DLST: variants seen among roughly 807,000 people sequenced by gnomAD.
DLST encodes the protein dihydrolipoamide S-succinyltransferase, also known as dihydrolipoyllysine-residue succinyltransferase component of 2-oxoglutarate dehydrogenase complex, mitochondrial.
Under a neutral mutation model 53.1 loss-of-function variants are expected in DLST, and 17 were observed. The ratio of observed to expected loss-of-function variants is 0.32; its 90% confidence interval spans 0.22 to 0.48. DLST has a LOEUF of 0.48. Among genes scored for constraint, DLST ranks in the 20% least tolerant of loss-of-function variants. DLST has a pLI of 0.99. For missense variants in DLST, 512 were observed against 583.9 expected (o/e 0.88, Z 1.27); for synonymous variants, 206 against 204.8 (o/e 1.01, Z -0.05).
chr14:74,902,086 TAGGAA>T (rs1884267397), intron 14 of DLST, 105 bp from the exon 15 acceptor site: 2 of 1,203,932 alleles, frequency 1.7e-6, no homozygotes, highest in African/African-American at 3.1e-5. Context: ...GCAACATCAA[TAGGAA>T]AGGCTCTGGA....
Position 74,893,378 on chromosome 14 carries a change from C to T in DLST, c.626C>T (p.Pro209Leu), listed in dbSNP as rs761607000. 2 of 1,614,194 alleles carry T rather than the reference C, an allele frequency of 1.2e-6. No individual in the cohort carries two copies. The highest frequency in any genetic ancestry group is 1.1e-5 in the South Asian group (1 of 91,076). Residue 209 changes from proline to leucine, a missense_variant, in exon 9 of 15, where the codon CCA becomes CTA. Pro to Leu is a moderately conservative substitution (Grantham distance 98). Transcript: ENST00000334220. ...GCAGTAAAACCCACTGTTGCCCCAC[C>T]ACTAGCTGAGCCAGGAGCTGGCAAA... ...VSAVKPTVAP[P>L]LAEPGAGKGL... is the part of the protein sequence containing the mutation.
chr14:74,899,292 G>A (rs372790333), intron 11 of DLST, among the ~76,000 whole-genome samples: 12 of 151,812 alleles, frequency 7.9e-5, no homozygotes, highest in African/African-American at 2.4e-4. Flanking sequence ...AAAAGTTCTC[G>A]TGGCCTCTTT....
intron 10 of DLST, among the ~76,000 whole-genome samples, chr14:74,895,440 A>G (rs532696370): frequency 6.6e-6 from 1 of 152,338 alleles, no homozygotes; most frequent in Non-Finnish European, 1.5e-5. Flanking sequence ...TACTGTATAC[A>G]GAGTACTGTA....
chr14:74,886,982 C>G (rs750297546), intron 3 of DLST, among the ~76,000 whole-genome samples: 3 of 152,044 alleles, frequency 2.0e-5, no homozygotes, highest in East Asian at 3.9e-4. Flanking sequence ...ATCAGGTGAT[C>G]CGCCCGACTC....
In DLST at chr14:74,886,612, G is replaced by A. The variant is rs140775245; in HGVS notation, c.146+978G>A. Among the ~76,000 whole-genome samples the A allele has an allele frequency of 2.9e-4, 44 of 152,354 alleles. No individual in the cohort carries two copies. In the East Asian group the frequency reaches 4.0e-3, roughly 14 times the overall value. ...GCCTCCCAAAGTGGAGGATACAGGC[G>A]TGAGCTATGGTGCCTGGCTGATTTT... On this transcript the variant is annotated intron_variant, in intron 3 of 14. Transcript: ENST00000334220.
At chr14:74,894,636 C>A (rs1392444982) in intron 10 of DLST, among the ~76,000 whole-genome samples, 1 of 152,122 alleles carries the variant, frequency 6.6e-6, no homozygotes, top group Non-Finnish European at 1.5e-5. Context: ...AGCTCCGCCT[C>A]CCGGGTTCAC....
Position 74,893,373 on chromosome 14 carries a change from C to T in DLST, c.621C>T (p.Ala207=), listed in dbSNP as rs763562282. 20 of 1,614,068 alleles carry T rather than the reference C, an allele frequency of 1.2e-5. No individual in the cohort carries two copies. The East Asian group carries it at 4.5e-4, about 36-fold the overall frequency. Residue 207 remains alanine (A), a synonymous_variant, in exon 9 of 15, where the codon GCC becomes GCT. Transcript: ENST00000334220. ...KPVSAVKPTV[A]PPLAEPGAGK... ...TGTCTGCAGTAAAACCCACTGTTGCCCCACCACTAGCTGAGCCAGGAGCTG... is the reference window on the plus strand; with the variant it reads ...TGTCTGCAGTAAAACCCACTGTTGCTCCACCACTAGCTGAGCCAGGAGCTG...
intron 5 of DLST, 38 bp from the exon 6 acceptor site, chr14:74,889,859 C>A: frequency 1.2e-6 from 2 of 1,609,194 alleles, no homozygotes; most frequent in Non-Finnish European, 1.7e-6. Context: ...AGGCTCCCCG[C>A]TAACAGGTAG....
Position 74,889,228 on chromosome 14 carries a change from A to G in DLST, c.200-47A>G, listed in dbSNP as rs148493046. 2.1e-4 allele frequency: 339 copies of G among 1,607,472 alleles called. 1 individual carries two copies. In the East Asian group the frequency reaches 7.5e-3, roughly 35 times the overall value. Reference sequence around the variant, plus strand: ...AGTTTAATTAAAGAAAAATATTAAAAAGGAAAAATGAACTACTTATGATTT... The same window carrying G: ...AGTTTAATTAAAGAAAAATATTAAAGAGGAAAAATGAACTACTTATGATTT... On this transcript the variant is annotated intron_variant, in intron 4 of 14. Transcript: ENST00000334220.
In DLST at chr14:74,898,512, T is replaced by C; in HGVS notation, c.901+13T>C. The C allele has an allele frequency of 6.2e-7, 1 of 1,613,732 alleles. No individual in the cohort carries two copies. Among genetic ancestry groups the C allele is most frequent in the Non-Finnish European group, 8.5e-7 (1 of 1,179,746 alleles). On this transcript the variant is annotated intron_variant, in intron 11 of 14. Coordinates refer to ENST00000334220, the MANE Select transcript of DLST (RefSeq NM_001933.5). ...GTTGTAAATGCAGGTGAGTTGCTTG[T>C]GGCTGGAATTGGAGAGGTCCTGGGA... is the stretch of plus-strand genomic sequence containing the variant.
At chr14:74,886,732 G>A (rs761537118) in intron 3 of DLST, among the ~76,000 whole-genome samples, 1 of 151,950 alleles carries the variant, frequency 6.6e-6, no homozygotes, top group Non-Finnish European at 1.5e-5. Flanking sequence ...TTTGAAGTGT[G>A]TGTACCTTTT....
chr14:74,902,513 C>T lies in DLST; in HGVS notation c.*183C>T. The stretch of plus-strand genomic sequence containing the variant: ...CTTTTCTTGGCGTTCCTGCCAGGCT[C>T]TCCCTCTCTGCACCTGTCTCATAGC... On this transcript the variant is annotated 3_prime_UTR_variant, in exon 15 of 15. Transcript: ENST00000334220. The T allele has an allele frequency of 1.7e-6, 1 of 584,810 alleles. No homozygotes were observed. Among genetic ancestry groups the T allele is most frequent in the East Asian group, 3.1e-5 (1 of 32,678 alleles). 36.2% of individuals were successfully genotyped at this position (584,810 alleles called of 1,614,324 possible).
At chr14:74,883,662 T>G (rs1361118953) in intron 2 of DLST, among the ~76,000 whole-genome samples, 1 of 152,212 alleles carries the variant, frequency 6.6e-6, no homozygotes, top group Non-Finnish European at 1.5e-5. Flanking sequence ...AATTTTTTAG[T>G]TAATCATCTC....
rs760810314 is a variant in DLST, at chr14:74,901,050, T to C, written c.1060-16T>C. 3.3e-5 allele frequency: 53 copies of C among 1,612,402 alleles called. No individual in the cohort carries two copies. Among genetic ancestry groups the C allele is most frequent in the Admixed American group, 5.0e-5 (3 of 59,720 alleles). On this transcript the variant is annotated splice_polypyrimidine_tract_variant and intron_variant, in intron 13 of 14. Transcript: ENST00000334220. ...CTGGGTTGGCTTGATATTTCAATTA[T>C]GAAATCTGTTTTTAGGCCCGAAAGA...
At chr14:74,888,118 GT>G in intron 3 of DLST, among the ~76,000 whole-genome samples, 3 of 152,086 alleles carry the variant, frequency 2.0e-5, no homozygotes, top group Non-Finnish European at 4.4e-5. Flanking sequence ...TGATTCTCCA[GT>G]TTATATTATT....
At chr14:74,885,676 T>G in intron 3 of DLST, 42 bp downstream of exon 3, 1 of 1,553,592 alleles carries the variant, frequency 6.4e-7, no homozygotes, top group Non-Finnish European at 8.7e-7. Context: ...CCACGGGTTA[T>G]TTATTTAAAG....
At chr14:74,892,622 T>C (rs974113573) in intron 7 of DLST, among the ~76,000 whole-genome samples, 2 of 152,096 alleles carry the variant, frequency 1.3e-5, no homozygotes. Flanking sequence ...GGAGCTAAGT[T>C]GAGCCAGTTA....
rs1883887141 is a variant in DLST, at chr14:74,891,045, T to G, written c.331-11T>G. 14 of 1,604,798 alleles carry G rather than the reference T, an allele frequency of 8.7e-6. No homozygotes were observed. Among genetic ancestry groups the G allele is most frequent in the Non-Finnish European group, 1.2e-5 (14 of 1,173,456 alleles). ...ACATTTGGACTTCCTCCATCTGTCTTCCTCTTCCAGACATCTGTGCAGGTT... is the reference window on the plus strand; with the variant it reads ...ACATTTGGACTTCCTCCATCTGTCTGCCTCTTCCAGACATCTGTGCAGGTT... On this transcript the variant is annotated splice_polypyrimidine_tract_variant and intron_variant, in intron 6 of 14. Coordinates refer to ENST00000334220, the MANE Select transcript of DLST (RefSeq NM_001933.5).
rs1366134109 is a variant in DLST at position 74,894,337 on chromosome 14, G to T, written c.698G>T (p.Arg233Leu). 6.2e-7 allele frequency: 1 copy of T among 1,613,976 alleles called. No individual in the cohort carries two copies. Among genetic ancestry groups the T allele is most frequent in the Non-Finnish European group, 8.5e-7 (1 of 1,179,996 alleles). ...HREKMNRMRQ[R>L]IAQRLKEAQN... ...GAGAAAATGAACAGGATGCGGCAGC[G>T]CATTGCTCAGCGTCTGAAGGAGGCC... Residue 233 changes from arginine to leucine, a missense_variant, in exon 10 of 15, where the codon CGC (arginine) becomes CTC (leucine). Coordinates refer to ENST00000334220, the MANE Select transcript of DLST (RefSeq NM_001933.5).
Sources: gnomAD v4.1 joint callset for allele counts (sites outside exome capture counted in the v4.1 genomes callset) on GRCh38, gnomAD v4.1.1 for gene constraint, MANE v1.5 for transcripts, NCBI Gene and HGNC (gene_info 2026-07-23, HGNC 2026-07-21) for gene names.